Variants in TMEM114 observed in about 807,000 individuals in gnomAD.
The protein encoded by TMEM114 is transmembrane protein 114, also known as claudin-26.
TMEM114 carries 6 observed loss-of-function variants against 6.2 expected under a neutral mutation model. The ratio of observed to expected loss-of-function variants is 0.97; its 90% CI spans 0.53 to 1.91. The LOEUF is 1.91. TMEM114 is among the 40% of genes most tolerant of loss of function. TMEM114 has a pLI of 0.01. For synonymous variants in TMEM114, 104 were observed against 73.0 expected (o/e 1.42, Z -2.16); for missense variants, 218 against 158.3 (o/e 1.38, Z -2.02).
At chr16:8,547,158 G>T (rs184383970) in intron 2 of TMEM114, among the ~76,000 whole-genome samples, 1 of 152,136 alleles carries the variant, frequency 6.6e-6, no homozygotes. Context: ...GAAAAGGGGG[G>T]TCGTCAAGGA....
chr16:8,532,399 A>G, the TMEM114 span, among the ~76,000 whole-genome samples: 1 of 151,960 alleles, frequency 6.6e-6, no homozygotes, highest in Admixed American at 6.6e-5. Flanking sequence ...CAACACTAAA[A>G]CTTCTAGGAC....
chr16:8,577,784 A>G (rs1373104766), intron 2 of TMEM114, among the ~76,000 whole-genome samples: 1 of 151,846 alleles, frequency 6.6e-6, no homozygotes, highest in Non-Finnish European at 1.5e-5. Context: ...ACGGCATTTC[A>G]CCATATTGGT....
rs1902446640 is a variant in TMEM114 at position 8,590,474 on chromosome 16, C to G, written c.-636G>C. Among the ~76,000 whole-genome samples the G allele has an allele frequency of 6.6e-6, 1 of 152,218 alleles. No homozygotes were observed. The highest frequency in any genetic ancestry group is 6.5e-5 in the Admixed American group (1 of 15,288). On this transcript the variant is annotated 5_prime_UTR_variant, in exon 1 of 4. Transcript: ENST00000620492. ...TGCTCTGGCCGGGGCGCAGCTGACC[C>G]TCTGAGCCCTCCTCCTCGCCGAGGA...
intron 2 of TMEM114, among the ~76,000 whole-genome samples, chr16:8,538,664 C>A (rs542154704): frequency 2.6e-5 from 4 of 152,074 alleles, no homozygotes; most frequent in Non-Finnish European, 1.5e-5. Flanking sequence ...CCCGCCACCA[C>A]GCCCAGCTAA....
At chr16:8,572,327 A>ACACTGT in intron 2 of TMEM114, 103 bp from the exon 3 acceptor site, 1 of 1,253,710 alleles carries the variant, frequency 8.0e-7, no homozygotes, top group Non-Finnish European at 1.1e-6. Flanking sequence ...GGGAAAATCC[A>ACACTGT]CACTGTCACT....
intron 2 of TMEM114, among the ~76,000 whole-genome samples, chr16:8,560,702 G>C (rs1220353539): frequency 6.6e-6 from 1 of 152,020 alleles, no homozygotes; most frequent in Non-Finnish European, 1.5e-5. Flanking sequence ...TGTCATTCAG[G>C]GCATGAGAAC....
At chr16:8,568,900 C>G (rs1901630099), downstream of TMEM114, among the ~76,000 whole-genome samples, 1 of 152,196 alleles carries the variant, frequency 6.6e-6, no homozygotes, top group African/African-American at 2.4e-5. Flanking sequence ...AGATGACAAC[C>G]CTTCTCTGTC....
chr16:8,557,626 A>T (rs1901057038), intron 2 of TMEM114, among the ~76,000 whole-genome samples: 1 of 152,234 alleles, frequency 6.6e-6, no homozygotes. Context: ...CCTTAAGAAC[A>T]CAGGTGCTGG....
intron 3 of TMEM114, among the ~76,000 whole-genome samples, chr16:8,570,255 G>C (rs910877468): frequency 6.6e-6 from 1 of 152,186 alleles, no homozygotes; most frequent in African/African-American, 2.4e-5. Context: ...CCTGAGCAGT[G>C]ATTCCACAGC....
intron 2 of TMEM114, among the ~76,000 whole-genome samples, chr16:8,579,184 G>C (rs1244926282): frequency 2.0e-5 from 3 of 152,172 alleles, no homozygotes; most frequent in Non-Finnish European, 4.4e-5. Context: ...TGTTCAAAGA[G>C]CTGCTCAGTG....
intron 2 of TMEM114, among the ~76,000 whole-genome samples, chr16:8,558,882 A>G (rs956888019): frequency 3.3e-5 from 5 of 150,628 alleles, no homozygotes; most frequent in African/African-American, 1.2e-4. Context: ...CTGGGACTGC[A>G]GGCACGTGCC....
chr16:8,563,151 G>A (rs951984925), intron 2 of TMEM114, among the ~76,000 whole-genome samples: 7 of 149,440 alleles, frequency 4.7e-5, no homozygotes, highest in Non-Finnish European at 3.0e-5. Context: ...ATGAGTGACT[G>A]AATGAGTGAG....
chr16:8,572,277 A>G (rs1901760546), intron 2 of TMEM114, 53 bp from the exon 3 acceptor site: 2 of 1,548,090 alleles, frequency 1.3e-6, no homozygotes, highest in African/African-American at 2.7e-5. Flanking sequence ...AACATCCTTC[A>G]TTCAATCAAC....
At position 8,589,888 on chromosome 16, in the gene TMEM114, C is replaced by T. The variant is rs1902432924; in HGVS notation, c.-50G>A. ...CGGGTTCCAGTGGCCGCGGCGCGACCCCTCTGCTCCTGCCCCCGTCCCCAG... is the reference window on the plus strand; with the variant it reads ...CGGGTTCCAGTGGCCGCGGCGCGACTCCTCTGCTCCTGCCCCCGTCCCCAG... On this transcript the variant is annotated 5_prime_UTR_variant, in exon 1 of 4. Coordinates refer to ENST00000620492, the MANE Select transcript of TMEM114 (RefSeq NM_001146336.2). 2 of 394,136 alleles carry T rather than the reference C, an allele frequency of 5.1e-6. No homozygotes were observed. The highest frequency in any genetic ancestry group is 9.0e-6 in the Non-Finnish European group (2 of 223,220). The allele number at this position is 394,136 out of a possible 1,614,324, so 24.4% of individuals were successfully genotyped here. A position where few individuals can be genotyped will look rare whatever the true frequency, so the allele number is the denominator to read the frequency against.
chr16:8,547,243 A>G lies in TMEM114; in HGVS notation n.213-9417T>C, dbSNP rs562929471. ...AGCAGCTGTGTGGAGGATGAGGAGT[A>G]AGGAAGGGCAGAAAGCATCAACCAG... On this transcript the variant is annotated intron_variant and non_coding_transcript_variant, in intron 2 of 2. Coordinates refer to the TMEM114 transcript ENST00000623677. 2.0e-5 allele frequency among the ~76,000 whole-genome samples: 3 copies of G among 152,274 alleles called. No individual in the cohort carries two copies. In the East Asian group the frequency reaches 5.8e-4, roughly 29 times the overall value.
intron 2 of TMEM114, among the ~76,000 whole-genome samples, chr16:8,581,949 GGGCTCAGGCA>G (rs1902166097): frequency 6.6e-6 from 1 of 152,132 alleles, no homozygotes; most frequent in Non-Finnish European, 1.5e-5. Context: ...CCTCCCTCCT[GGGCTCAGGCA>G]GCCTCTTCAA....
At chr16:8,584,168 G>C (rs1485746376) in intron 2 of TMEM114, among the ~76,000 whole-genome samples, 1 of 152,218 alleles carries the variant, frequency 6.6e-6, no homozygotes, top group African/African-American at 2.4e-5. Context: ...GAAGAGGAAA[G>C]AAATTGAGTT....
intron 2 of TMEM114, among the ~76,000 whole-genome samples, chr16:8,562,477 T>TGATG (rs1319786748): frequency 6.7e-6 from 1 of 149,676 alleles, no homozygotes; most frequent in African/African-American, 2.5e-5. Flanking sequence ...AGGGAATGAG[T>TGATG]GAGTGAATGA....
At chr16:8,539,717 C>G (rs1325737084) in intron 2 of TMEM114, among the ~76,000 whole-genome samples, 1 of 151,900 alleles carries the variant, frequency 6.6e-6, no homozygotes, top group Non-Finnish European at 1.5e-5. Context: ...GATCTCATGT[C>G]CCATAGCAAT....
Sources: gnomAD v4.1 joint callset for allele counts (sites outside exome capture counted in the v4.1 genomes callset) on GRCh38, gnomAD v4.1.1 for gene constraint, MANE v1.5 for transcripts, NCBI Gene and HGNC (gene_info 2026-07-23, HGNC 2026-07-21) for gene names.